CA5B: variants seen among roughly 807,000 people sequenced by gnomAD.
CA5B encodes the protein carbonic anhydrase 5B, mitochondrial.
CA5B carries 15 observed loss-of-function variants against 23.1 expected under a neutral mutation model. The observed-to-expected ratio is 0.65, with a 90% CI of 0.43 to 1.00. CA5B has a LOEUF of 1.00. Among genes scored for constraint, CA5B ranks in the 50% least tolerant of loss-of-function variants. CA5B has a pLI of 0.00. For missense variants in CA5B, 236 were observed against 252.2 expected (o/e 0.94, Z 0.43); for synonymous variants, 84 against 98.5 (o/e 0.85, Z 0.87).
Position 15,764,672 on chromosome X carries a change from C to T in CA5B, c.237C>T (p.Gly79=), listed in dbSNP as rs752702507. 3.0e-5 allele frequency: 36 copies of T among 1,197,039 alleles called. No homozygotes were observed. The South Asian group carries it at 5.6e-4, about 19-fold the overall frequency. The change falls in exon 3 of 8, where the codon GGC becomes GGT. Residue 79 remains glycine (G), a synonymous_variant. Transcript: ENST00000318636. The stretch of plus-strand genomic sequence containing the variant: ...GGAGGGACAGTGTTTATGATCCCGG[C>T]TTAAAACCACTGACCATCTCTTATG... ...IRWRDSVYDP[G]LKPLTISYDP...
At chrX:15,747,917 T>TTCTCTTGCGAGAGGAGAGCAGCTCTC (rs1931269966) in intron 1 of CA5B, among the ~76,000 whole-genome samples, 1 of 110,865 alleles carries the variant, frequency 9.0e-6, no homozygotes, top group Non-Finnish European at 1.9e-5. Flanking sequence ...GAGCAGCTCT[T>TTCTCTTGCGAGAGGAGAGCAGCTCTC]TCTCTTGCGA....
intron 2 of CA5B, among the ~76,000 whole-genome samples, chrX:15,753,851 G>A (rs773350900): frequency 1.8e-5 from 2 of 112,419 alleles, no homozygotes; most frequent in Non-Finnish European, 3.8e-5. Flanking sequence ...AGAGGTTCCA[G>A]GTGAGCTGAG....
At chrX:15,747,410 G>A (rs920573266) in intron 1 of CA5B, among the ~76,000 whole-genome samples, 1 of 110,368 alleles carries the variant, frequency 9.1e-6, no homozygotes, top group Non-Finnish European at 1.9e-5. Context: ...TGTTTGAGGA[G>A]GAGATGAGAT....
At chrX:15,747,820 T>TG (rs1388075080) in intron 1 of CA5B, among the ~76,000 whole-genome samples, 1 of 111,160 alleles carries the variant, frequency 9.0e-6, no homozygotes, top group Non-Finnish European at 1.9e-5. Context: ...CTGGGTTCGG[T>TG]GTCTCACACG....
At chrX:15,776,155 A>G (rs9792803) in intron 6 of CA5B, 54,151 of 270,394 alleles carry the variant, frequency 0.2, 4,781 homozygotes, top group East Asian at 0.57. Flanking sequence ...TGGCTAACAC[A>G]GTGAAACCCC....
At chrX:15,763,786 A>G (rs1931650473) in intron 2 of CA5B, among the ~76,000 whole-genome samples, 1 of 112,157 alleles carries the variant, frequency 8.9e-6, no homozygotes, top group South Asian at 3.7e-4. Context: ...TCCAAGACAC[A>G]GGCCTTAGAA....
chrX:15,769,559 C>T, intron 3 of CA5B: 1 of 753,216 alleles, frequency 1.3e-6, no homozygotes. Flanking sequence ...CTCCATCCTG[C>T]TTCCCTGACT....
chrX:15,778,742 T>G (rs779888626), intron 7 of CA5B, among the ~76,000 whole-genome samples: 1 of 111,046 alleles, frequency 9.0e-6, no homozygotes, highest in South Asian at 3.8e-4. Context: ...CTTCTTCACA[T>G]GGTGGCAGAA....
chrX:15,752,689 C>G (rs1476455512), intron 2 of CA5B, among the ~76,000 whole-genome samples: 2 of 108,774 alleles, frequency 1.8e-5, no homozygotes, highest in South Asian at 8.1e-4. Flanking sequence ...CGCGCCACTG[C>G]ACTCCAGCCT....
chrX:15,781,769 G>A (rs1184592103), intron 7 of CA5B, among the ~76,000 whole-genome samples: 2 of 110,842 alleles, frequency 1.8e-5, no homozygotes, highest in African/African-American at 6.6e-5. Context: ...TAAAAAATTA[G>A]CTGGGTGTGG....
chrX:15,746,634 A>C, intron 1 of CA5B, among the ~76,000 whole-genome samples: 1 of 111,518 alleles, frequency 9.0e-6, no homozygotes, highest in African/African-American at 3.3e-5. Context: ...GTGGGAGACC[A>C]GAGTTTTATT....
intron 2 of CA5B, among the ~76,000 whole-genome samples, chrX:15,751,575 A>G (rs2147256132): frequency 9.2e-6 from 1 of 109,280 alleles, no homozygotes; most frequent in African/African-American, 3.3e-5. Context: ...TAAACATCCA[A>G]ATCCGGTATA....
intron 7 of CA5B, among the ~76,000 whole-genome samples, chrX:15,777,947 A>G (rs1931961048): frequency 8.9e-6 from 1 of 111,916 alleles, no homozygotes; most frequent in Non-Finnish European, 1.9e-5. Context: ...ACTGGAAAAT[A>G]AAAAATAAAT....
chrX:15,776,806 A>C lies in CA5B; in HGVS notation c.711A>C (p.Pro237=). ...YWTYSGSLTT[P]PLSESVTWII... Reference sequence around the variant, plus strand: ...CCTACTCAGGGTCTCTGACTACCCCACCCCTCTCCGAGTCTGTCACCTGGA... The same window carrying C: ...CCTACTCAGGGTCTCTGACTACCCCCCCCCTCTCCGAGTCTGTCACCTGGA... Residue 237 remains proline, a synonymous_variant, in exon 7 of 8, where the codon CCA becomes CCC. Transcript: ENST00000318636. 8.3e-7 allele frequency: 1 copy of C among 1,208,038 alleles called. No individual in the cohort carries two copies. Among genetic ancestry groups the C allele is most frequent in the Non-Finnish European group, 1.1e-6 (1 of 892,888 alleles).
chrX:15,777,051 G>T (rs1380719138), intron 7 of CA5B, among the ~76,000 whole-genome samples, 182 bp downstream of exon 7: 1 of 112,522 alleles, frequency 8.9e-6, no homozygotes, highest in Non-Finnish European at 1.9e-5. Flanking sequence ...TAACTAGAGA[G>T]AAGAGTTAAA....
At chrX:15,770,795 T>A (rs1299439763) in intron 3 of CA5B, among the ~76,000 whole-genome samples, 1 of 108,716 alleles carries the variant, frequency 9.2e-6, no homozygotes, top group Non-Finnish European at 1.9e-5. Context: ...TTAGAAAGAG[T>A]CTTTCTCTGT....
chrX:15,764,890 G>A (rs1931675820), intron 3 of CA5B, 115 bp downstream of exon 3: 2 of 1,069,039 alleles, frequency 1.9e-6, no homozygotes, highest in South Asian at 2.2e-5. Flanking sequence ...CAATGGCATG[G>A]AACTCATTGA....
chrX:15,756,375 A>C (rs1262713071), intron 2 of CA5B, among the ~76,000 whole-genome samples: 1 of 112,334 alleles, frequency 8.9e-6, no homozygotes. Flanking sequence ...GACTATAGAA[A>C]AAGTGGAGGA....
At chrX:15,749,937 TA>T in intron 1 of CA5B, 33 bp from the exon 2 acceptor site, 1 of 1,089,510 alleles carries the variant, frequency 9.2e-7, no homozygotes, top group East Asian at 3.0e-5. Context: ...TTCTGTTGTT[TA>T]CAGCTTTCCC....
Sources: gnomAD v4.1 joint callset for allele counts (sites outside exome capture counted in the v4.1 genomes callset) on GRCh38, gnomAD v4.1.1 for gene constraint, MANE v1.5 for transcripts, NCBI Gene and HGNC (gene_info 2026-07-23, HGNC 2026-07-21) for gene names.